The following PDGFRB variants were observed in gnomAD, a reference collection of about 807,000 sequenced individuals.
The protein encoded by PDGFRB is platelet derived growth factor receptor beta.
A neutral mutation model predicts 120.2 loss-of-function variants in PDGFRB; 42 were observed. That is an observed-to-expected ratio of 0.35 (90% CI 0.27 to 0.45). PDGFRB has a LOEUF of 0.45. PDGFRB is among the 20% of genes least tolerant of loss of function. The probability of loss-of-function intolerance (pLI) is 1.00; values close to 1 mark genes in which losing one functional copy is unlikely to be tolerated. For missense variants in PDGFRB, 1,149 were observed against 1,476.3 expected (o/e 0.78, Z 3.63); for synonymous variants, 586 against 606.8 (o/e 0.97, Z 0.50).
intron 1 of PDGFRB, among the ~76,000 whole-genome samples, chr5:150,145,052 C>G (rs1760883632): frequency 6.6e-6 from 1 of 152,210 alleles, no homozygotes; most frequent in Admixed American, 6.5e-5. Flanking sequence ...ACCTCCTTCC[C>G]ACCCTTCCAC....
At position 150,130,605 on chromosome 5, in the gene PDGFRB, A is replaced by G. The variant is rs1014568373; in HGVS notation, c.1301T>C (p.Val434Ala). The change falls in exon 9 of 23, where the codon GTC becomes GCC. Residue 434 changes from valine (V) to alanine (A), a missense_variant. Val to Ala is a moderately conservative substitution (Grantham distance 64). Coordinates refer to ENST00000261799, the MANE Select transcript of PDGFRB (RefSeq NM_002609.4). ...GGGCATGCCCCGGCCACGACAGCGG[A>G]CTGTCTGTTCCCCACTGTCAGGGTG... The part of the protein sequence containing the change: ...ESHPDSGEQT[V>A]RCRGRGMPQP... The G allele has an allele frequency of 1.2e-6, 2 of 1,612,524 alleles. No individual in the cohort carries two copies. Among genetic ancestry groups the G allele is most frequent in the East Asian group, 4.5e-5 (2 of 44,862 alleles).
intron 15 of PDGFRB, 148 bp downstream of exon 15, chr5:150,122,894 A>G: frequency 1.4e-6 from 1 of 699,634 alleles, no homozygotes; most frequent in Non-Finnish European, 2.5e-6. Flanking sequence ...TCTGGGGTGG[A>G]CCATCTTGTG....
rs1760118068 is a variant in PDGFRB, at chr5:150,121,114, GCCA to G, written c.2463+87_2463+89del. 1 of 1,411,616 alleles carries G rather than the reference GCCA, an allele frequency of 7.1e-7. No individual in the cohort carries two copies. Among genetic ancestry groups the G allele is most frequent in the African/African-American group, 1.4e-5 (1 of 70,852 alleles). 87.4% of individuals were successfully genotyped at this position (1,411,616 alleles called of 1,614,324 possible). On this transcript the variant is annotated intron_variant, in intron 17 of 22. Coordinates refer to ENST00000261799, the MANE Select transcript of PDGFRB (RefSeq NM_002609.4). This position sits in a 1 kb window ranked among gnomAD's most constrained non-coding sequence, Gnocchi z 4.1. Reference sequence around the variant, plus strand: ...ATACAACACTGCCCATGTGCGAGAGGCCACCCTGGTGTGCTCTTGGAGGATGCT... The same window carrying G: ...ATACAACACTGCCCATGTGCGAGAGGCCCTGGTGTGCTCTTGGAGGATGCT...
Position 150,133,482 on chromosome 5 carries a change from T to C in PDGFRB, c.934+104A>G, listed in dbSNP as rs1283502974. The C allele has an allele frequency of 3.2e-6, 3 of 945,384 alleles. No homozygotes were observed. In the African/African-American group the frequency reaches 4.8e-5, roughly 15 times the overall value. 58.6% of individuals were successfully genotyped at this position (945,384 alleles called of 1,614,324 possible). ...CTGGGTCCAGCTCAGCCCTGATCAC[T>C]GTATCAAAAATGCAACTCTCACCAT... On this transcript the variant is annotated intron_variant, in intron 6 of 22. Coordinates refer to ENST00000261799, the MANE Select transcript of PDGFRB (RefSeq NM_002609.4).
In PDGFRB at chr5:150,121,804, G is replaced by T; in HGVS notation, c.2344+76C>A. On this transcript the variant is annotated intron_variant, in intron 16 of 22. Coordinates refer to ENST00000261799, the MANE Select transcript of PDGFRB (RefSeq NM_002609.4). This position sits in a 1 kb window ranked among gnomAD's most constrained non-coding sequence, Gnocchi z 4.1. ...GGCACGAGGCTCCCTTCTTCTCAGG[G>T]TTTTTGGCAAGGCTGGGCATGTGAA... The T allele has an allele frequency of 8.4e-7, 1 of 1,186,454 alleles. No homozygotes were observed. The highest frequency in any genetic ancestry group is 1.2e-6 in the Non-Finnish European group (1 of 810,806). The allele number at this position is 1,186,454 out of a possible 1,614,324, so 73.5% of individuals were successfully genotyped here. A position where few individuals can be genotyped will look rare whatever the true frequency, so the allele number is the denominator to read the frequency against.
At chr5:150,122,096 C>A in intron 15 of PDGFRB, 56 bp from the exon 16 acceptor site, 1 of 1,393,716 alleles carries the variant, frequency 7.2e-7, no homozygotes, top group Non-Finnish European at 1.0e-6. Flanking sequence ...CCCCTCCCCT[C>A]CTGCCCCTTG....
rs1269877552 is a variant in PDGFRB, at chr5:150,124,189, C to T, written c.2023+61G>A. ...GTGCAAGGCCTGAGGGGGGGGTAGGCGGGGCCTGGCCTTGGTGGTGGGCAC... is the reference window on the plus strand; with the variant it reads ...GTGCAAGGCCTGAGGGGGGGGTAGGTGGGGCCTGGCCTTGGTGGTGGGCAC... On this transcript the variant is annotated intron_variant, in intron 14 of 22. Coordinates refer to ENST00000261799, the MANE Select transcript of PDGFRB (RefSeq NM_002609.4). 25 of 1,141,556 alleles carry T rather than the reference C, an allele frequency of 2.2e-5. No homozygotes were observed. In the Middle Eastern group the frequency reaches 5.9e-4, roughly 27 times the overall value. 70.7% of individuals were successfully genotyped at this position (1,141,556 alleles called of 1,614,324 possible). A position where few individuals can be genotyped will look rare whatever the true frequency, so the allele number is the denominator to read the frequency against.
intron 21 of PDGFRB, 39 bp from the exon 22 acceptor site, chr5:150,117,889 G>A: frequency 8.1e-7 from 1 of 1,238,660 alleles, no homozygotes; most frequent in Non-Finnish European, 1.2e-6. Flanking sequence ...AACAGGGATG[G>A]TCAGGCCAGA....
At chr5:150,138,483 C>T (rs1003141319) in intron 1 of PDGFRB, among the ~76,000 whole-genome samples, 10 of 152,222 alleles carry the variant, frequency 6.6e-5, no homozygotes, top group Admixed American at 1.3e-4. Context: ...AAGGCTCCTC[C>T]CGCCTATGGA....
rs757431440 is a variant in PDGFRB, at chr5:150,135,785, T to C, written c.134A>G (p.Asn45Ser). Residue 45 changes from asparagine (N) to serine (S), a missense_variant, in exon 3 of 23, where the codon AAT (asparagine) becomes AGT (serine). By Grantham distance (46) the Asn-to-Ser change is conservative (BLOSUM62 1). Coordinates refer to ENST00000261799, the MANE Select transcript of PDGFRB (RefSeq NM_002609.4). ...GGTCAGAACGAAGGTGCTGGAGACA[T>C]TGAGGACAAGCTCTGGCCCCGGGGG... ...VTPPGPELVLNVSSTFVLTCS... is the reference protein window; with the variant it reads ...VTPPGPELVLSVSSTFVLTCS... 3.7e-6 allele frequency: 6 copies of C among 1,609,020 alleles called. No homozygotes were observed. The highest frequency in any genetic ancestry group is 2.2e-5 in the South Asian group (2 of 90,310).
intron 10 of PDGFRB, among the ~76,000 whole-genome samples, chr5:150,128,871 G>C (rs1029473396): frequency 6.6e-6 from 1 of 152,206 alleles, no homozygotes; most frequent in African/African-American, 2.4e-5. Flanking sequence ...TGAGCCCTTT[G>C]ACCTTTATAC....
chr5:150,118,897 G>C lies in PDGFRB; in HGVS notation c.2799-45C>G, dbSNP rs778285898. ...TCAGGGCCTCTGGCCCAGGGTTCAG[G>C]GGACAAGGCAGGGCTGGGGGAGCAG... On this transcript the variant is annotated intron_variant, in intron 20 of 22. Transcript: ENST00000261799. 2.3e-5 allele frequency: 28 copies of C among 1,239,164 alleles called. 5 individuals are homozygous for C. The Admixed American group carries it at 2.7e-4, about 12-fold the overall frequency. The allele number at this position is 1,239,164 out of a possible 1,614,324, so 76.8% of individuals were successfully genotyped here.
In PDGFRB at chr5:150,115,073, C is replaced by A. The variant is rs189852053; in HGVS notation, c.*690G>T. 4.3e-6 allele frequency: 1 copy of A among 232,980 alleles called. No homozygotes were observed. The highest frequency in any genetic ancestry group is 5.6e-5 in the Admixed American group (1 of 17,778). The allele number at this position is 232,980 out of a possible 1,614,324, so 14.4% of individuals were successfully genotyped here. On this transcript the variant is annotated 3_prime_UTR_variant, in exon 23 of 23. Coordinates refer to ENST00000261799, the MANE Select transcript of PDGFRB (RefSeq NM_002609.4). Reference sequence around the variant, plus strand: ...GGGACACAGGCACTTGCTATGGCTGCGTGTGCTCCAAGTGCCCTGGGCAAG... The same window carrying A: ...GGGACACAGGCACTTGCTATGGCTGAGTGTGCTCCAAGTGCCCTGGGCAAG...
intron 1 of PDGFRB, among the ~76,000 whole-genome samples, chr5:150,149,112 G>T (rs1038894373): frequency 6.6e-6 from 1 of 152,210 alleles, no homozygotes. Flanking sequence ...GGTAGTAGCT[G>T]CTGGCTTGGC....
chr5:150,124,067 T>G, intron 14 of PDGFRB, 183 bp downstream of exon 14: 1 of 428,190 alleles, frequency 2.3e-6, no homozygotes, highest in Non-Finnish European at 4.2e-6. Flanking sequence ...GAAGGTGTTG[T>G]GATTTTGTGA....
At chr5:150,138,348 C>A (rs1030431515) in intron 1 of PDGFRB, among the ~76,000 whole-genome samples, 1 of 152,180 alleles carries the variant, frequency 6.6e-6, no homozygotes, top group African/African-American at 2.4e-5. Context: ...CGGGTTCAGG[C>A]CCCAGCATGC....
rs774053778 is a variant in PDGFRB, at chr5:150,113,873, C to T, written c.*1890G>A. The stretch of plus-strand genomic sequence containing the variant: ...GAAGCACCAGGTTTAATATTAAAAT[C>T]TTTCCCTTAAAAAAAAGTACACAGA... On this transcript the variant is annotated 3_prime_UTR_variant, in exon 23 of 23. Transcript: ENST00000261799. 4.3e-6 allele frequency: 1 copy of T among 232,090 alleles called. No homozygotes were observed. Among genetic ancestry groups the T allele is most frequent in the Non-Finnish European group, 8.5e-6 (1 of 117,170 alleles). The allele number at this position is 232,090 out of a possible 1,614,324, so 14.4% of individuals were successfully genotyped here.
chr5:150,140,808 C>G (rs1339896179), intron 1 of PDGFRB, among the ~76,000 whole-genome samples: 2 of 152,178 alleles, frequency 1.3e-5, no homozygotes, highest in African/African-American at 4.8e-5. Flanking sequence ...TCCAGGAGAG[C>G]AAGCATGCTT....
At chr5:150,134,559 C>A (rs928695427) in intron 4 of PDGFRB, among the ~76,000 whole-genome samples, 191 bp downstream of exon 4, 4 of 152,246 alleles carry the variant, frequency 2.6e-5, no homozygotes, top group African/African-American at 9.6e-5. Context: ...CGACAGGGGA[C>A]AAGCTCCATC....
Sources: allele counts gnomAD v4.1 joint callset (sites outside exome capture counted in the v4.1 genomes callset), GRCh38; gene constraint gnomAD v4.1.1; non-coding constraint Gnocchi (gnomAD v3.1); transcripts MANE v1.5; gene names NCBI Gene and HGNC (gene_info 2026-07-23, HGNC 2026-07-21).